SRGAP1: variants seen among roughly 807,000 people sequenced by gnomAD.
SRGAP1 encodes SLIT-ROBO Rho GTPase-activating protein 1.
A neutral mutation model predicts 121.9 loss-of-function variants in SRGAP1; 43 were observed. That is an observed-to-expected ratio of 0.35 (90% CI 0.28 to 0.46). SRGAP1 has a LOEUF of 0.46. SRGAP1 is among the 20% of genes least tolerant of loss of function. The pLI is 1.00. For missense variants in SRGAP1, 1,102 were observed against 1,350.9 expected (o/e 0.82, Z 2.89); for synonymous variants, 447 against 485.4 (o/e 0.92, Z 1.04).
At chr12:64,123,101 C>A (rs2036628886) in intron 18 of SRGAP1, among the ~76,000 whole-genome samples, 1 of 152,106 alleles carries the variant, frequency 6.6e-6, no homozygotes, top group Non-Finnish European at 1.5e-5. Flanking sequence ...TATACTGTAT[C>A]ATGTGTTGGT....
intron 1 of SRGAP1, among the ~76,000 whole-genome samples, chr12:63,859,104 T>C (rs909757403): frequency 1.1e-4 from 16 of 152,242 alleles, no homozygotes; most frequent in African/African-American, 3.9e-4. Context: ...AAACATAGGC[T>C]GATCTGTAAT....
At chr12:64,012,732 C>A (rs1469115435) in intron 3 of SRGAP1, among the ~76,000 whole-genome samples, 1 of 151,124 alleles carries the variant, frequency 6.6e-6, no homozygotes, top group Non-Finnish European at 1.5e-5. Flanking sequence ...TGTATTTTTT[C>A]TAGAGATGGA....
At chr12:63,877,291 G>A (rs575123889) in intron 1 of SRGAP1, among the ~76,000 whole-genome samples, 1 of 152,264 alleles carries the variant, frequency 6.6e-6, no homozygotes, top group Non-Finnish European at 1.5e-5. Context: ...TTTATTTTGT[G>A]TGTGTATGTA....
intron 1 of SRGAP1, among the ~76,000 whole-genome samples, chr12:63,850,533 C>T (rs990894939): frequency 2.0e-5 from 3 of 151,204 alleles, no homozygotes; most frequent in Admixed American, 6.6e-5. Flanking sequence ...TGGGCTCAAG[C>T]GATTCTTCTG....
intron 4 of SRGAP1, among the ~76,000 whole-genome samples, chr12:64,041,645 C>A (rs2035027338): frequency 6.6e-6 from 1 of 151,752 alleles, no homozygotes; most frequent in African/African-American, 2.4e-5. Flanking sequence ...CTTGGCCTCC[C>A]AAAATGTGCT....
rs1420307308 is a variant in SRGAP1, at chr12:64,147,555, T to A, written c.*4883T>A. ...CCTTTCTCACCCCTGTGTCCTCCCA[T>A]CCCACCGCATCAGTCCCCCGCTCAT... is the stretch of plus-strand genomic sequence containing the variant. On this transcript the variant is annotated 3_prime_UTR_variant, in exon 22 of 22. Transcript: ENST00000355086. 2.5e-6 allele frequency: 1 copy of A among 398,776 alleles called. No homozygotes were observed. The highest frequency in any genetic ancestry group is 4.4e-6 in the Non-Finnish European group (1 of 226,338). The allele number at this position is 398,776 out of a possible 1,614,324, so 24.7% of individuals were successfully genotyped here. A position where few individuals can be genotyped will look rare whatever the true frequency, so the allele number is the denominator to read the frequency against.
At chr12:63,869,309 A>G (rs995967086) in intron 1 of SRGAP1, among the ~76,000 whole-genome samples, 3 of 152,242 alleles carry the variant, frequency 2.0e-5, no homozygotes, top group African/African-American at 7.2e-5. Flanking sequence ...AGCCCACTCC[A>G]GAGATAACAA....
chr12:64,026,893 A>C (rs1454564561), intron 4 of SRGAP1, among the ~76,000 whole-genome samples: 1 of 151,970 alleles, frequency 6.6e-6, no homozygotes, highest in African/African-American at 2.4e-5. Context: ...TGTTCAAATT[A>C]ATCTCCTTAT....
At chr12:64,035,586 C>T (rs548786825) in intron 4 of SRGAP1, among the ~76,000 whole-genome samples, 11 of 152,204 alleles carry the variant, frequency 7.2e-5, no homozygotes, top group South Asian at 6.2e-4. Flanking sequence ...TTGAAAAAGG[C>T]GCTAATTATA....
At chr12:64,028,698 C>T (rs140013645) in intron 4 of SRGAP1, among the ~76,000 whole-genome samples, 107 of 152,296 alleles carry the variant, frequency 7.0e-4, no homozygotes, top group African/African-American at 2.4e-3. Flanking sequence ...GTCTCTCTCA[C>T]GCCTCTTTTG....
intron 1 of SRGAP1, among the ~76,000 whole-genome samples, chr12:63,954,610 G>A (rs1401810913): frequency 6.7e-6 from 1 of 149,988 alleles, no homozygotes; most frequent in Admixed American, 6.7e-5. Flanking sequence ...CCCGGGAGGC[G>A]GAGCTTGCAG....
rs185178144 is a variant in SRGAP1 at position 63,989,652 on chromosome 12, G to A, written c.264-258G>A. 2.6e-5 allele frequency among the ~76,000 whole-genome samples: 4 copies of A among 152,352 alleles called. No individual in the cohort carries two copies. In the East Asian group the frequency reaches 7.7e-4, roughly 29 times the overall value. ...TGTATATTAGGGTCCCATGGTCCTT[G>A]TCAGGAATATGGATTTCACCAGTGT... On this transcript the variant is annotated intron_variant, in intron 2 of 21. Coordinates refer to ENST00000355086, the MANE Select transcript of SRGAP1 (RefSeq NM_020762.4).
rs201301749 is a variant in SRGAP1, at chr12:63,961,898, TA to T, written c.68-22047del. On this transcript the variant is annotated intron_variant, in intron 1 of 21. Coordinates refer to ENST00000355086, the MANE Select transcript of SRGAP1 (RefSeq NM_020762.4). Reference sequence around the variant, plus strand: ...CGGGGGCTGGTGGATATATTTTAGATAAGTGGTTGCAGAAAACCTTTCAGGG... The same window carrying T: ...CGGGGGCTGGTGGATATATTTTAGATAGTGGTTGCAGAAAACCTTTCAGGG... Among the ~76,000 whole-genome samples the T allele has an allele frequency of 6.5e-3, 986 of 152,228 alleles. 9 individuals are homozygous for T. The highest frequency in any genetic ancestry group is 0.023 in the African/African-American group (951 of 41,522).
At chr12:64,083,738 T>TGTTCA (rs1317154102) in intron 10 of SRGAP1, among the ~76,000 whole-genome samples, 4 of 152,162 alleles carry the variant, frequency 2.6e-5, no homozygotes, top group African/African-American at 9.7e-5. Context: ...TGAGCCTTAA[T>TGTTCA]GTTCACATTG....
chr12:63,923,686 T>A (rs765655273), intron 1 of SRGAP1, among the ~76,000 whole-genome samples: 2 of 152,220 alleles, frequency 1.3e-5, no homozygotes, highest in Admixed American at 1.3e-4. Flanking sequence ...TTTATACAAG[T>A]AGTATACATG....
intron 1 of SRGAP1, chr12:63,879,540 A>C (rs1321280531): frequency 6.6e-6 from 1 of 152,190 alleles, no homozygotes; most frequent in Non-Finnish European, 1.5e-5. Flanking sequence ...CAATAAACAC[A>C]TACATTTTCT....
intron 8 of SRGAP1, among the ~76,000 whole-genome samples, chr12:64,073,653 A>G (rs1043008059): frequency 2.0e-5 from 3 of 152,040 alleles, no homozygotes; most frequent in Non-Finnish European, 2.9e-5. Flanking sequence ...TGCTATGTAA[A>G]TAGTTATACT....
intron 1 of SRGAP1, among the ~76,000 whole-genome samples, chr12:63,869,297 G>A (rs1433306333): frequency 6.6e-6 from 1 of 152,184 alleles, no homozygotes; most frequent in Non-Finnish European, 1.5e-5. Context: ...TCTTTTATAA[G>A]GAGCCCACTC....
In SRGAP1 at chr12:63,909,100, G is replaced by A. The variant is rs1164592706; in HGVS notation, c.67+64217G>A. On this transcript the variant is annotated intron_variant, in intron 1 of 21. Coordinates refer to ENST00000355086, the MANE Select transcript of SRGAP1 (RefSeq NM_020762.4). ...AGACGGGGTTTCACCATGTTGGCCA[G>A]GATGGTCCTGATCTCTTGACCTCGT... Among the ~76,000 whole-genome samples the A allele has an allele frequency of 2.6e-5, 4 of 152,156 alleles. No individual in the cohort carries two copies. In the East Asian group the frequency reaches 7.8e-4, roughly 30 times the overall value.
Sources: gnomAD v4.1 joint callset for allele counts (sites outside exome capture counted in the v4.1 genomes callset) on GRCh38, gnomAD v4.1.1 for gene constraint, MANE v1.5 for transcripts, NCBI Gene and HGNC (gene_info 2026-07-23, HGNC 2026-07-21) for gene names.